The following ZNF416 variants were observed in gnomAD, a reference collection of about 807,000 sequenced individuals.
The protein encoded by ZNF416 is zinc finger protein 416.
ZNF416 carries 5 observed loss-of-function variants against 10.9 expected under a neutral mutation model. The ratio of observed to expected loss-of-function variants is 0.46; its 90% CI spans 0.24 to 0.97. The LOEUF (loss-of-function observed/expected upper bound fraction) is 0.97, where lower values mean the gene tolerates loss of function less well. Ranked by LOEUF, ZNF416 falls within the 50% of genes least tolerant of loss-of-function variation. The probability of loss-of-function intolerance (pLI) is 0.19; values close to 1 mark genes in which losing one functional copy is unlikely to be tolerated. For missense variants in ZNF416, 675 were observed against 715.0 expected (o/e 0.94, Z 0.64); for synonymous variants, 267 against 251.8 (o/e 1.06, Z -0.57).
chr19:57,573,725 A>C, intron 3 of ZNF416, 24 bp from the exon 4 acceptor site: 1 of 1,596,578 alleles, frequency 6.3e-7, no homozygotes, highest in Non-Finnish European at 8.6e-7. Flanking sequence ...AACACTGATG[A>C]AATGCACGTT....
At position 57,575,873 on chromosome 19, in the gene ZNF416, G is replaced by A. The variant is rs761215110; in HGVS notation, c.133C>T (p.Leu45Phe). 6.2e-7 allele frequency: 1 copy of A among 1,614,108 alleles called. No individual in the cohort carries two copies. ...IYFSQEEWGL[L>F]DEAQRLLYRD... Reference sequence around the variant, plus strand: ...TACAGGAGCCTCTGAGCCTCATCAAGGAGCCCCCATTCTTCCTGGGAGAAG... The same window carrying A: ...TACAGGAGCCTCTGAGCCTCATCAAAGAGCCCCCATTCTTCCTGGGAGAAG... Residue 45 changes from leucine (L) to phenylalanine (F), a missense_variant, in exon 3 of 4, where the codon CTT becomes TTT. Leu to Phe is a conservative substitution (Grantham distance 22). Coordinates refer to ENST00000196489, the MANE Select transcript of ZNF416 (RefSeq NM_017879.3). The surrounding 1 kb of genome is among the most constrained non-coding windows in gnomAD (Gnocchi z 4.4).
chr19:57,573,506 C>T lies in ZNF416; in HGVS notation c.398G>A (p.Cys133Tyr), dbSNP rs1267765031. The change falls in exon 4 of 4, where the codon TGT becomes TAT. Residue 133 changes from cysteine (C) to tyrosine (Y), a missense_variant. Transcript: ENST00000196489. ...CTTCTGGTCCTGGTGAAAGACCGCA[C>T]ATGCCCCAGTCAAGTATAGTTCCTG... ...PGQELYLTGA[C>Y]AVFHQDQKHH... The T allele has an allele frequency of 3.7e-6, 6 of 1,614,250 alleles. No individual in the cohort carries two copies. The highest frequency in any genetic ancestry group is 5.1e-6 in the Non-Finnish European group (6 of 1,180,040).
chr19:57,578,757 C>A lies in ZNF416; in HGVS notation c.-53G>T. ...GCGGCGGGCGACCCGGGGCGGGAAC[C>A]CAGGCACGGCTGCCACCAGCGCCAG... On this transcript the variant is annotated 5_prime_UTR_variant, in exon 1 of 4. Coordinates refer to ENST00000196489, the MANE Select transcript of ZNF416 (RefSeq NM_017879.3). 1 of 1,414,408 alleles carries A rather than the reference C, an allele frequency of 7.1e-7. No homozygotes were observed. 87.6% of individuals were successfully genotyped at this position (1,414,408 alleles called of 1,614,324 possible). A position where few individuals can be genotyped will look rare whatever the true frequency, so the allele number is the denominator to read the frequency against.
intron 2 of ZNF416, 72 bp downstream of exon 2, chr19:57,577,985 G>A (rs1366050927): frequency 6.5e-7 from 1 of 1,544,438 alleles, no homozygotes; most frequent in Non-Finnish European, 9.0e-7. Context: ...CAAGAGAAGA[G>A]TCCCAGAACA....
In ZNF416 at chr19:57,573,708, G is replaced by T; in HGVS notation, c.203-7C>A. The T allele has an allele frequency of 6.2e-7, 1 of 1,604,910 alleles. No individual in the cohort carries two copies. The highest frequency in any genetic ancestry group is 1.1e-5 in the South Asian group (1 of 90,656). ...TCCATCCCATGCCAACAAACTGAAAGCAGAGAAACACTGATGAAATGCACG... is the reference window on the plus strand; with the variant it reads ...TCCATCCCATGCCAACAAACTGAAATCAGAGAAACACTGATGAAATGCACG... On this transcript the variant is annotated splice_region_variant and splice_polypyrimidine_tract_variant and intron_variant, in intron 3 of 3. Coordinates refer to ENST00000196489, the MANE Select transcript of ZNF416 (RefSeq NM_017879.3).
chr19:57,577,517 G>C (rs1978586826), intron 2 of ZNF416, among the ~76,000 whole-genome samples: 1 of 152,036 alleles, frequency 6.6e-6, no homozygotes, highest in Admixed American at 6.6e-5. Flanking sequence ...CACCACACAA[G>C]TCCAGCCACC....
In ZNF416 at chr19:57,573,420, A is replaced by G. The variant is rs747212228; in HGVS notation, c.484T>C (p.Cys162Arg). 6.8e-6 allele frequency: 11 copies of G among 1,614,138 alleles called. No individual in the cohort carries two copies. In the Admixed American group the frequency reaches 8.3e-5, roughly 12 times the overall value. ...GGCATTCCTGACTCATGGAACAGGC[A>G]GCACTGCACAAATGAGGCCTTGTCC... ...DMDKASFVQCCLFHESGMPFT... is the reference protein window; with the variant it reads ...DMDKASFVQCRLFHESGMPFT... Residue 162 changes from cysteine to arginine, a missense_variant, in exon 4 of 4, where the codon TGC becomes CGC. Transcript: ENST00000196489.
chr19:57,576,002 A>ATGAACTT, intron 2 of ZNF416, 72 bp from the exon 3 acceptor site: 1 of 1,557,304 alleles, frequency 6.4e-7, no homozygotes, highest in East Asian at 2.3e-5. Flanking sequence ...CCCCCCACAC[A>ATGAACTT]TCCTTTCCCT....
chr19:57,578,603 C>A (rs1978636995), intron 1 of ZNF416, 69 bp downstream of exon 1: 1 of 1,443,652 alleles, frequency 6.9e-7, no homozygotes, highest in Admixed American at 2.6e-5. Flanking sequence ...CGCAAGCAGG[C>A]GCCCCTCATG....
chr19:57,573,016 C>G lies in ZNF416; in HGVS notation c.888G>C (p.Arg296Ser). 6.2e-7 allele frequency: 1 copy of G among 1,614,214 alleles called. No individual in the cohort carries two copies. The highest frequency in any genetic ancestry group is 8.5e-7 in the Non-Finnish European group (1 of 1,180,036). ...NDHRRIHTGERPYVCGQCGKS... is the reference protein window; with the variant it reads ...NDHRRIHTGESPYVCGQCGKS... Reference sequence around the variant, plus strand: ...TCCCACACTGACCACACACATAAGGCCTTTCTCCAGTGTGGATTCTCCGAT... The same window carrying G: ...TCCCACACTGACCACACACATAAGGGCTTTCTCCAGTGTGGATTCTCCGAT... Residue 296 changes from arginine (R) to serine (S), a missense_variant, in exon 4 of 4, where the codon AGG (arginine) becomes AGC (serine). Physicochemically the swap from Arg to Ser is moderately radical, Grantham distance 110. Transcript: ENST00000196489.
At position 57,578,812 on chromosome 19, in the gene ZNF416, A is replaced by AC; in HGVS notation, c.-109dup. 8.7e-7 allele frequency: 1 copy of AC among 1,147,868 alleles called. No homozygotes were observed. The highest frequency in any genetic ancestry group is 1.2e-6 in the Non-Finnish European group (1 of 868,666). The allele number at this position is 1,147,868 out of a possible 1,614,324, so 71.1% of individuals were successfully genotyped here. ...CCACCGGCTGATGCGCAGCGGGGCG[A>AC]CCCCCGCTCTGTGCCGGAGGCAGCG... is the stretch of plus-strand genomic sequence containing the variant. On this transcript the variant is annotated 5_prime_UTR_variant, in exon 1 of 4. Coordinates refer to ENST00000196489, the MANE Select transcript of ZNF416 (RefSeq NM_017879.3).
rs2090200641 is a variant in ZNF416, at chr19:57,572,633, CCA to C, written c.1269_1270del (p.Cys423TrpfsTer13). ...GTGAATTAACTGGTGCTGAATGAGG[CCA>C]CACTTTAGGCTAAATGATTTCCCAC... On this transcript the variant is annotated frameshift_variant, in exon 4 of 4. Transcript: ENST00000196489. LOFTEE classifies it low-confidence loss of function (END_TRUNC). The surrounding 1 kb of genome is among the most constrained non-coding windows in gnomAD (Gnocchi z 4.5). 2 of 1,614,014 alleles carry C rather than the reference CCA, an allele frequency of 1.2e-6. No individual in the cohort carries two copies. The highest frequency in any genetic ancestry group is 1.7e-6 in the Non-Finnish European group (2 of 1,180,034).
In ZNF416 at chr19:57,572,984, A is replaced by C; in HGVS notation, c.920T>G (p.Phe307Cys). The C allele has an allele frequency of 1.2e-6, 2 of 1,614,042 alleles. No individual in the cohort carries two copies. The highest frequency in any genetic ancestry group is 1.7e-6 in the Non-Finnish European group (2 of 1,179,966). Reference protein sequence around the residue: ...PYVCGQCGKSFSQRATLIKHH... With the variant: ...PYVCGQCGKSCSQRATLIKHH... ...TTTAATGAGGGTGGCTCTTTGGCTAAATGATTTCCCACACTGACCACACAC... is the reference window on the plus strand; with the variant it reads ...TTTAATGAGGGTGGCTCTTTGGCTACATGATTTCCCACACTGACCACACAC... The change falls in exon 4 of 4, where the codon TTT becomes TGT. Residue 307 changes from phenylalanine (F) to cysteine (C), a missense_variant. Phe to Cys is a radical substitution (Grantham distance 205). Coordinates refer to ENST00000196489, the MANE Select transcript of ZNF416 (RefSeq NM_017879.3). The surrounding 1 kb of genome is among the most constrained non-coding windows in gnomAD (Gnocchi z 4.5).
rs1470303287 is a variant in ZNF416 at position 57,575,013 on chromosome 19, G to A, written c.202+791C>T. ...GAGGGCAGGAAGATGGGGGCAGCAC[G>A]AGGCCGGATGTCCCAGATGAAGCAA... On this transcript the variant is annotated intron_variant, in intron 3 of 3. Transcript: ENST00000196489. This position sits in a 1 kb window ranked among gnomAD's most constrained non-coding sequence, Gnocchi z 4.4. Among the ~76,000 whole-genome samples, 3 of 152,200 alleles carry A rather than the reference G, an allele frequency of 2.0e-5. No homozygotes were observed. Among genetic ancestry groups the A allele is most frequent in the Admixed American group, 1.3e-4 (2 of 15,280 alleles).
At position 57,578,890 on chromosome 19, in the gene ZNF416, T is replaced by G. The variant is rs949401010; in HGVS notation, c.-186A>C. On this transcript the variant is annotated 5_prime_UTR_variant, in exon 1 of 4. Transcript: ENST00000196489. ...GTAGAGAACCACCAAAATTACCATCTCGGAGCGGTGCCGGAAGTCCCGCCT... is the reference window on the plus strand; with the variant it reads ...GTAGAGAACCACCAAAATTACCATCGCGGAGCGGTGCCGGAAGTCCCGCCT... 8 of 490,600 alleles carry G rather than the reference T, an allele frequency of 1.6e-5. No homozygotes were observed. Among genetic ancestry groups the G allele is most frequent in the African/African-American group, 1.2e-4 (6 of 49,296 alleles). 30.4% of individuals were successfully genotyped at this position (490,600 alleles called of 1,614,324 possible).
rs1242445063 is a variant in ZNF416 at position 57,573,551 on chromosome 19, T to G, written c.353A>C (p.His118Pro). 6.2e-7 allele frequency: 1 copy of G among 1,614,192 alleles called. No homozygotes were observed. ...TTCCTGCCCAGGCAAATCGGTCAGG[T>G]GCAAAATGTCGGTCAGGAATGGGAC... ...MCVPFLTDIL[H>P]LTDLPGQELY... The change falls in exon 4 of 4, where the codon CAC becomes CCC. Residue 118 changes from histidine to proline, a missense_variant. Physicochemically the swap from His to Pro is moderately conservative, Grantham distance 77 (BLOSUM62 -2). Coordinates refer to ENST00000196489, the MANE Select transcript of ZNF416 (RefSeq NM_017879.3).
At chr19:57,577,259 G>A (rs1406174464) in intron 2 of ZNF416, among the ~76,000 whole-genome samples, 1 of 142,120 alleles carries the variant, frequency 7.0e-6, no homozygotes, top group Non-Finnish European at 1.5e-5. Flanking sequence ...GTCCCATTGG[G>A]CCATGTTCAG....
intron 1 of ZNF416, 46 bp from the exon 2 acceptor site, chr19:57,578,144 G>A: frequency 1.2e-6 from 2 of 1,603,042 alleles, no homozygotes; most frequent in Non-Finnish European, 1.7e-6. Context: ...TATGGTGGAA[G>A]CTCCATGGGC....
In ZNF416 at chr19:57,572,228, A is replaced by C; in HGVS notation, c.1676T>G (p.Phe559Cys). The C allele has an allele frequency of 6.2e-7, 1 of 1,614,174 alleles. No individual in the cohort carries two copies. Among genetic ancestry groups the C allele is most frequent in the Non-Finnish European group, 8.5e-7 (1 of 1,180,034 alleles). ...PYECGKCGKS[F>C]TQHSGLILHR... Reference sequence around the variant, plus strand: ...GAGAATGAGGCCAGAGTGTTGTGTAAAGGACTTCCCACATTTGCCACACTC... The same window carrying C: ...GAGAATGAGGCCAGAGTGTTGTGTACAGGACTTCCCACATTTGCCACACTC... Residue 559 changes from phenylalanine to cysteine, a missense_variant, in exon 4 of 4, where the codon TTT becomes TGT. By Grantham distance (205) the Phe-to-Cys change is radical (BLOSUM62 -2). Coordinates refer to ENST00000196489, the MANE Select transcript of ZNF416 (RefSeq NM_017879.3). This position sits in a 1 kb window ranked among gnomAD's most constrained non-coding sequence, Gnocchi z 4.5.
Sources: gnomAD v4.1 joint callset for allele counts (sites outside exome capture counted in the v4.1 genomes callset) on GRCh38, gnomAD v4.1.1 for gene constraint, Gnocchi (gnomAD v3.1) non-coding constraint, MANE v1.5 for transcripts, NCBI Gene and HGNC (gene_info 2026-07-23, HGNC 2026-07-21) for gene names.